MPP7: variants seen among roughly 807,000 people sequenced by gnomAD.
The protein encoded by MPP7 is MAGUK p55 subfamily member 7.
In MPP7, 60 loss-of-function variants were observed where a neutral mutation model predicts 76.5. The observed-to-expected ratio is 0.78, with a 90% CI of 0.64 to 0.97. The LOEUF (loss-of-function observed/expected upper bound fraction) is 0.97. Among genes scored for constraint, MPP7 ranks in the 50% least tolerant of loss-of-function variants. The probability of loss-of-function intolerance (pLI) is 0.00; values close to 1 mark genes in which losing one functional copy is unlikely to be tolerated. For synonymous variants in MPP7, 237 were observed against 244.5 expected (o/e 0.97, Z 0.29); for missense variants, 641 against 694.0 (o/e 0.92, Z 0.86).
chr10:28,157,255 C>T (rs1442110405), intron 3 of MPP7, among the ~76,000 whole-genome samples: 4 of 151,992 alleles, frequency 2.6e-5, no homozygotes, highest in Non-Finnish European at 4.4e-5. Context: ...AAAGAGTAAC[C>T]GTCAGAGTCA....
At chr10:28,269,844 A>C (rs79927721) in intron 1 of MPP7, among the ~76,000 whole-genome samples, 1 of 152,218 alleles carries the variant, frequency 6.6e-6, no homozygotes, top group Non-Finnish European at 1.5e-5. Context: ...TTCAAAGTAC[A>C]TAAGATTAGA....
intron 2 of MPP7, among the ~76,000 whole-genome samples, chr10:28,213,113 AT>A (rs966705832): frequency 1.3e-5 from 2 of 151,668 alleles, no homozygotes; most frequent in African/African-American, 4.8e-5. Flanking sequence ...CTAATTTTTA[AT>A]TTTTTTTGTA....
At chr10:28,281,367 G>T (rs1178439061) in intron 1 of MPP7, among the ~76,000 whole-genome samples, 1 of 152,096 alleles carries the variant, frequency 6.6e-6, no homozygotes, top group African/African-American at 2.4e-5. Flanking sequence ...GGGATTACAG[G>T]CGTGAGCCAC....
At chr10:28,262,244 CATATATATATATATGTATAT>C (rs1840004820) in intron 1 of MPP7, among the ~76,000 whole-genome samples, 1 of 36,398 alleles carries the variant, frequency 2.7e-5, no homozygotes, top group Admixed American at 3.7e-4. Context: ...TATATATATA[CATATATATATATATGTATAT>C]ATATATATAT....
chr10:28,168,704 A>G (rs78369044), intron 3 of MPP7, among the ~76,000 whole-genome samples: 20,172 of 151,806 alleles, frequency 0.13, 2,035 homozygotes, highest in African/African-American at 0.28. Context: ...ATTTTTAGTA[A>G]ACACGGGGTT....
chr10:28,098,988 A>G (rs1468955867), intron 11 of MPP7, among the ~76,000 whole-genome samples: 1 of 152,198 alleles, frequency 6.6e-6, no homozygotes, highest in Non-Finnish European at 1.5e-5. Context: ...TTTCTAAAAT[A>G]ACAAATTATT....
intron 3 of MPP7, among the ~76,000 whole-genome samples, chr10:28,188,441 A>G (rs1837304505): frequency 1.3e-5 from 2 of 152,150 alleles, no homozygotes; most frequent in Non-Finnish European, 2.9e-5. Context: ...TGGCACTTCC[A>G]AGTCGCATGA....
intron 1 of MPP7, among the ~76,000 whole-genome samples, chr10:28,293,199 G>C (rs1337412794): frequency 2.0e-5 from 3 of 151,898 alleles, no homozygotes; most frequent in Non-Finnish European, 2.9e-5. Flanking sequence ...CTATAAATTA[G>C]GGCAGAAAAA....
rs200764940 is a variant in MPP7 at position 28,185,207 on chromosome 10, GATATA to G, written c.156+16941_156+16945del. On this transcript the variant is annotated intron_variant, in intron 3 of 16. Coordinates refer to ENST00000683449, the MANE Select transcript of MPP7 (RefSeq NM_001318170.2). The stretch of plus-strand genomic sequence containing the variant: ...GTTATAAATTATTATGTTGTTATAT[GATATA>G]ATATAGTATAATATGATATATTAAG... 8.6e-3 allele frequency among the ~76,000 whole-genome samples: 1,274 copies of G among 147,974 alleles called. 15 individuals are homozygous for G. The highest frequency in any genetic ancestry group is 0.028 in the African/African-American group (1,147 of 40,316).
chr10:28,270,276 A>G (rs1461520661), intron 1 of MPP7, among the ~76,000 whole-genome samples: 1 of 152,210 alleles, frequency 6.6e-6, no homozygotes, highest in Non-Finnish European at 1.5e-5. Context: ...TCAGCAAAAC[A>G]TCACAGTGGT....
At chr10:28,254,900 T>A (rs1045465884) in intron 1 of MPP7, 1 of 152,140 alleles carries the variant, frequency 6.6e-6, no homozygotes, top group Non-Finnish European at 1.5e-5. Flanking sequence ...AAGGGAAAAC[T>A]ACTGAGGCCC....
intron 1 of MPP7, among the ~76,000 whole-genome samples, chr10:28,280,448 A>G (rs1300133410): frequency 6.6e-6 from 1 of 152,096 alleles, no homozygotes; most frequent in Non-Finnish European, 1.5e-5. Context: ...AAGCCTGGAC[A>G]TATTCAGTAC....
chr10:28,087,661 G>A (rs954704189), intron 12 of MPP7, among the ~76,000 whole-genome samples: 3 of 152,198 alleles, frequency 2.0e-5, no homozygotes, highest in African/African-American at 2.4e-5. Context: ...CTCCCAAAGC[G>A]CTGGGATTAC....
chr10:28,228,260 T>A (rs79367600), intron 2 of MPP7, among the ~76,000 whole-genome samples: 2,006 of 152,286 alleles, frequency 0.013, 25 homozygotes, highest in South Asian at 0.034. Flanking sequence ...ACTGACGATA[T>A]CAGTAAAATC....
At chr10:28,286,860 T>C (rs1367654471) in intron 1 of MPP7, among the ~76,000 whole-genome samples, 1 of 152,128 alleles carries the variant, frequency 6.6e-6, no homozygotes, top group Admixed American at 6.5e-5. Context: ...ACAGTGAACA[T>C]TAGCAATTGC....
At chr10:28,055,738 G>A (rs1271292842) in intron 16 of MPP7, among the ~76,000 whole-genome samples, 1 of 152,130 alleles carries the variant, frequency 6.6e-6, no homozygotes, top group Non-Finnish European at 1.5e-5. Context: ...TTTTCATTTG[G>A]ACTCTTAATG....
In MPP7 at chr10:28,216,445, GTA is replaced by G. The variant is rs569477833; in HGVS notation, c.38-14176_38-14175del. On this transcript the variant is annotated intron_variant, in intron 2 of 16. Transcript: ENST00000683449. ...CAATATACTGACAATATTGGCTGAT[GTA>G]AACTGTACACCAGTGCACATTCTAT... Among the ~76,000 whole-genome samples, 35 of 152,312 alleles carry G rather than the reference GTA, an allele frequency of 2.3e-4. No homozygotes were observed. The South Asian group carries it at 6.6e-3, about 29-fold the overall frequency.
At chr10:28,249,149 A>G (rs1279708897) in intron 1 of MPP7, among the ~76,000 whole-genome samples, 12 of 151,562 alleles carry the variant, frequency 7.9e-5, no homozygotes, top group Admixed American at 7.9e-4. Flanking sequence ...TATTTTATAT[A>G]TATTATTTAT....
At chr10:28,304,336 T>C (rs537727401), upstream of MPP7, among the ~76,000 whole-genome samples, 1 of 152,208 alleles carries the variant, frequency 6.6e-6, no homozygotes, top group African/African-American at 2.4e-5. Context: ...CTATTTGAAA[T>C]TAAGCACTTC....
Sources: allele counts gnomAD v4.1 joint callset (sites outside exome capture counted in the v4.1 genomes callset), GRCh38; gene constraint gnomAD v4.1.1; transcripts MANE v1.5; gene names NCBI Gene and HGNC (gene_info 2026-07-23, HGNC 2026-07-21).